LRRC37A3: variants seen among roughly 807,000 people sequenced by gnomAD.
The protein encoded by LRRC37A3 is leucine rich repeat containing 37 member A3.
Under a neutral mutation model 106.2 loss-of-function variants are expected in LRRC37A3, and 25 were observed. The ratio of observed to expected loss-of-function variants is 0.24; its 90% CI spans 0.17 to 0.33. The LOEUF (loss-of-function observed/expected upper bound fraction) is 0.33. LRRC37A3 is among the 10% of genes least tolerant of loss of function. The pLI is 1.00. For synonymous variants in LRRC37A3, 305 were observed against 635.8 expected (o/e 0.48, Z 7.83); for missense variants, 712 against 1,644.9 (o/e 0.43, Z 9.81).
intron 8 of LRRC37A3, among the ~76,000 whole-genome samples, chr17:64,872,883 A>C (rs1973368886): frequency 6.6e-6 from 1 of 151,990 alleles, no homozygotes; most frequent in African/African-American, 2.4e-5. Flanking sequence ...GCAAGAAGTG[A>C]AAGCTAAGGC....
intron 8 of LRRC37A3, among the ~76,000 whole-genome samples, chr17:64,875,420 T>C (rs1307821400): frequency 6.6e-6 from 1 of 152,190 alleles, no homozygotes; most frequent in Admixed American, 6.5e-5. Flanking sequence ...ATATTCTAGA[T>C]AAATAAAAAC....
chr17:64,881,820 C>G (rs1973709840), intron 8 of LRRC37A3, among the ~76,000 whole-genome samples: 1 of 150,464 alleles, frequency 6.6e-6, no homozygotes, highest in Non-Finnish European at 1.5e-5. Flanking sequence ...TCATGTCACA[C>G]CAGCACTGAC....
intron 13 of LRRC37A3, among the ~76,000 whole-genome samples, chr17:64,857,789 AACAC>A (rs1230537437): frequency 6.6e-6 from 1 of 152,222 alleles, no homozygotes; most frequent in Admixed American, 6.5e-5. Flanking sequence ...TAGATGGACA[AACAC>A]ACAGACAAAA....
chr17:64,913,287 C>T (rs1163098426), intron 2 of LRRC37A3, among the ~76,000 whole-genome samples: 1 of 151,402 alleles, frequency 6.6e-6, no homozygotes, highest in Non-Finnish European at 1.5e-5. Flanking sequence ...CCTCGGCCTT[C>T]CAAAGTGCTG....
chr17:64,854,750 C>T lies in LRRC37A3; in HGVS notation c.4860-106G>A, dbSNP rs1972616995. On this transcript the variant is annotated intron_variant, in intron 14 of 14. Transcript: ENST00000584306. ...GGAACTGTGAGGGCCCCGTCATTTA[C>T]CCAGGGTCCCTGTTGAGGATCTTGT... The T allele has an allele frequency of 1.9e-6, 3 of 1,611,900 alleles. No homozygotes were observed. In the South Asian group the frequency reaches 3.3e-5, roughly 18 times the overall value.
At chr17:64,875,965 T>A (rs1973499836) in intron 8 of LRRC37A3, among the ~76,000 whole-genome samples, 2 of 152,112 alleles carry the variant, frequency 1.3e-5, no homozygotes, top group Admixed American at 1.3e-4. Context: ...AAAGTTGGAA[T>A]TAATCTGAAC....
chr17:64,901,149 A>G (rs1974298362), intron 2 of LRRC37A3: 2 of 148,844 alleles, frequency 1.3e-5, no homozygotes, highest in African/African-American at 5.1e-5. Flanking sequence ...GTGAGTCATC[A>G]TGTCTGGTCT....
chr17:64,860,590 T>C lies in LRRC37A3; in HGVS notation c.3556A>G (p.Ser1186Gly), dbSNP rs373744335. The change falls in exon 12 of 15, where the codon AGC becomes GGC. Residue 1186 changes from serine to glycine, a missense_variant. Coordinates refer to ENST00000584306, the MANE Select transcript of LRRC37A3 (RefSeq NM_199340.5). ...TGGGCACCCTGTTCCCTCCTGATGC[T>C]CTGCCTTCCTACCTCTTTGAAGTGC... ...KRHFKEVGRQ[S>G]IRREQGAQAS... 1.9e-6 allele frequency: 3 copies of C among 1,613,662 alleles called. No individual in the cohort carries two copies. The highest frequency in any genetic ancestry group is 1.3e-5 in the African/African-American group (1 of 74,916).
chr17:64,878,365 G>A (rs2143493416), intron 8 of LRRC37A3, among the ~76,000 whole-genome samples: 1 of 152,242 alleles, frequency 6.6e-6, no homozygotes, highest in South Asian at 2.1e-4. Context: ...AAACTTTTGT[G>A]CATCAAAGGA....
At chr17:64,875,243 C>T (rs1973471849) in intron 8 of LRRC37A3, among the ~76,000 whole-genome samples, 1 of 152,170 alleles carries the variant, frequency 6.6e-6, no homozygotes, top group Non-Finnish European at 1.5e-5. Flanking sequence ...TGCACCACTG[C>T]ACTCCAGCCT....
At chr17:64,855,169 G>T (rs1364850687) in intron 14 of LRRC37A3, among the ~76,000 whole-genome samples, 8 of 151,976 alleles carry the variant, frequency 5.3e-5, no homozygotes, top group Non-Finnish European at 4.4e-5. Flanking sequence ...TAGAGTAGGG[G>T]CCCAAAAACC....
At chr17:64,856,394 A>T (rs1972680429) in intron 13 of LRRC37A3, among the ~76,000 whole-genome samples, 2 of 148,024 alleles carry the variant, frequency 1.4e-5, no homozygotes, top group Non-Finnish European at 3.0e-5. Flanking sequence ...TTTTTTTTTA[A>T]TTTTTAATAA....
At chr17:64,919,035 C>CGGG (rs1287388367) in intron 1 of LRRC37A3, among the ~76,000 whole-genome samples, 165 bp from the exon 2 acceptor site, 1 of 151,914 alleles carries the variant, frequency 6.6e-6, no homozygotes, top group Non-Finnish European at 1.5e-5. Context: ...GCGGCGGCGG[C>CGGG]TTTCTCCGGC....
chr17:64,855,233 A>C (rs1042942158), intron 14 of LRRC37A3, among the ~76,000 whole-genome samples: 4 of 152,020 alleles, frequency 2.6e-5, no homozygotes, highest in Non-Finnish European at 5.9e-5. Context: ...GGAAAAAAAA[A>C]AAGAAATAAA....
At chr17:64,864,739 A>G (rs1972998814) in intron 10 of LRRC37A3, among the ~76,000 whole-genome samples, 1 of 151,642 alleles carries the variant, frequency 6.6e-6, no homozygotes, top group South Asian at 2.1e-4. Context: ...CCTACCTCTA[A>G]TGAATTTTGA....
intron 1 of LRRC37A3, 133 bp from the exon 2 acceptor site, chr17:64,919,003 T>C: frequency 8.2e-7 from 1 of 1,220,260 alleles, no homozygotes; most frequent in East Asian, 3.2e-5. Context: ...GCCGGGGCGC[T>C]GGTGCTGGGG....
At chr17:64,866,134 CA>C (rs1973061112) in intron 10 of LRRC37A3, among the ~76,000 whole-genome samples, 1 of 151,622 alleles carries the variant, frequency 6.6e-6, no homozygotes, top group Non-Finnish European at 1.5e-5. Context: ...CAAATCATTA[CA>C]GAGGATGAGA....
intron 8 of LRRC37A3, among the ~76,000 whole-genome samples, chr17:64,877,461 C>G (rs1254688377): frequency 6.6e-6 from 1 of 152,080 alleles, no homozygotes; most frequent in Non-Finnish European, 1.5e-5. Context: ...CTCAGCCTCC[C>G]AAAGTGCTGG....
In LRRC37A3 at chr17:64,918,965, G is replaced by A. The variant is rs1974766491; in HGVS notation, c.-616-95C>T. ...GCCGTCCGGACCTGCAGCTGTCCGG[G>A]CCAGGTGGCTGCCCCCGCCTCCCCC... On this transcript the variant is annotated intron_variant, in intron 1 of 14. Transcript: ENST00000584306. 6 of 1,155,528 alleles carry A rather than the reference G, an allele frequency of 5.2e-6. No individual in the cohort carries two copies. In the African/African-American group the frequency reaches 8.0e-5, roughly 15 times the overall value. The allele number at this position is 1,155,528 out of a possible 1,614,324, so 71.6% of individuals were successfully genotyped here.
Sources: gnomAD v4.1 joint callset for allele counts (sites outside exome capture counted in the v4.1 genomes callset) on GRCh38, gnomAD v4.1.1 for gene constraint, MANE v1.5 for transcripts, NCBI Gene and HGNC (gene_info 2026-07-23, HGNC 2026-07-21) for gene names.